UPP2: variants seen among roughly 807,000 people sequenced by gnomAD.
UPP2 encodes uridine phosphorylase 2, also known as UPase 2.
A neutral mutation model predicts 26.7 loss-of-function variants in UPP2; 23 were observed. That is an observed-to-expected ratio of 0.86 (90% CI 0.62 to 1.22). The LOEUF is 1.22. Among genes scored for constraint, UPP2 ranks in the 50% most tolerant of loss-of-function variants. The pLI is 0.00. For synonymous variants in UPP2, 127 were observed against 141.3 expected (o/e 0.90, Z 0.72); for missense variants, 387 against 396.7 (o/e 0.98, Z 0.21).
chr2:158,108,887 CGTGT>C (rs748328980), intron 2 of UPP2, among the ~76,000 whole-genome samples: 15,299 of 132,976 alleles, frequency 0.12, 623 homozygotes, highest in Middle Eastern at 0.14. Flanking sequence ...GAGGCAAAAG[CGTGT>C]GTGTGTGTGT....
intron 1 of UPP2, among the ~76,000 whole-genome samples, chr2:158,103,727 A>G (rs4485523): frequency 0.1 from 15,728 of 152,238 alleles, 1,616 homozygotes; most frequent in African/African-American, 0.26. Context: ...AGAGTTTGTT[A>G]AAATGCAGAT....
chr2:158,015,883 A>G (rs1454585854), exon 3 of UPP2: 1 of 447,754 alleles, frequency 2.2e-6, no homozygotes, highest in Non-Finnish European at 4.4e-6. Context: ...CAGCCTGTGG[A>G]ACTGTGAGTC....
At chr2:158,065,556 G>T in intron 3 of UPP2, 2 of 507,178 alleles carry the variant, frequency 3.9e-6, no homozygotes, top group Admixed American at 2.6e-5. Context: ...TGGCTCAAAT[G>T]AACTGTCCAG....
chr2:158,047,493 G>A lies in UPP2; in HGVS notation c.147+31607G>A, dbSNP rs150912255. ...TATAAGGATTTTGTAGCTGGCATCCGGTTTAAACCCGGGCATTGTTCTCTA... is the reference window on the plus strand; with the variant it reads ...TATAAGGATTTTGTAGCTGGCATCCAGTTTAAACCCGGGCATTGTTCTCTA... On this transcript the variant is annotated intron_variant, in intron 3 of 9. Coordinates refer to the UPP2 transcript ENST00000605860. Among the ~76,000 whole-genome samples the A allele has an allele frequency of 4.6e-5, 7 of 152,268 alleles. No individual in the cohort carries two copies. The South Asian group carries it at 1.0e-3, about 23-fold the overall frequency.
chr2:158,114,224 G>C (rs1218778299), intron 2 of UPP2, among the ~76,000 whole-genome samples: 17 of 152,142 alleles, frequency 1.1e-4, no homozygotes, highest in Admixed American at 9.2e-4. Context: ...GGGAGGACTT[G>C]ACTCTTGCCA....
chr2:158,097,823 T>G (rs1683011703), upstream of UPP2, among the ~76,000 whole-genome samples: 1 of 152,194 alleles, frequency 6.6e-6, no homozygotes, highest in Non-Finnish European at 1.5e-5. Flanking sequence ...GGTTGTAGCA[T>G]TTGTCCTAGG....
chr2:158,082,488 A>G (rs191717888), intron 3 of UPP2, among the ~76,000 whole-genome samples: 2 of 152,230 alleles, frequency 1.3e-5, no homozygotes, highest in East Asian at 3.9e-4. Flanking sequence ...CTTCACTTAG[A>G]ATAATGGTCT....
In UPP2 at chr2:158,006,202, G is replaced by A. The variant is rs898023225; in HGVS notation, c.62-9599G>A. 1.3e-4 allele frequency among the ~76,000 whole-genome samples: 20 copies of A among 152,360 alleles called. No individual in the cohort carries two copies. In the South Asian group the frequency reaches 4.1e-3, roughly 32 times the overall value. ...TGGCTGGGCACGGTGGCTCACGCCT[G>A]TAATCCCAGCACTTTGGGAGGACGA... is the stretch of plus-strand genomic sequence containing the variant. On this transcript the variant is annotated intron_variant, in intron 2 of 9. Coordinates refer to the UPP2 transcript ENST00000605860.
At position 158,125,837 on chromosome 2, in the gene UPP2, G is replaced by T. The variant is rs184321175; in HGVS notation, c.811+1942G>T. Among the ~76,000 whole-genome samples the T allele has an allele frequency of 2.0e-5, 3 of 152,190 alleles. No individual in the cohort carries two copies. The East Asian group carries it at 5.8e-4, about 29-fold the overall frequency. Reference sequence around the variant, plus strand: ...AAGCAGCACCCCACACAGCCTGCAGGGACACCTGGATTCAGATGGTTCTGC... The same window carrying T: ...AAGCAGCACCCCACACAGCCTGCAGTGACACCTGGATTCAGATGGTTCTGC... On this transcript the variant is annotated intron_variant, in intron 6 of 6. Coordinates refer to ENST00000005756, the MANE Select transcript of UPP2 (RefSeq NM_173355.4).
chr2:158,096,067 C>T (rs13389062), intron 3 of UPP2, among the ~76,000 whole-genome samples: 3,524 of 152,228 alleles, frequency 0.023, 135 homozygotes, highest in African/African-American at 0.077. Flanking sequence ...GACCAGGCCA[C>T]TAGAGGCACT....
At chr2:158,088,012 G>GT (rs1447004069) in intron 3 of UPP2, among the ~76,000 whole-genome samples, 1 of 152,116 alleles carries the variant, frequency 6.6e-6, no homozygotes, top group African/African-American at 2.4e-5. Flanking sequence ...TGAGGTTCTT[G>GT]TTTTTGGAGT....
At chr2:158,073,047 A>G (rs1682569598) in intron 3 of UPP2, among the ~76,000 whole-genome samples, 1 of 152,170 alleles carries the variant, frequency 6.6e-6, no homozygotes, top group African/African-American at 2.4e-5. Flanking sequence ...AGAATTCAAA[A>G]TAGCTGTTTT....
At chr2:158,004,316 T>A (rs2105135804) in intron 2 of UPP2, among the ~76,000 whole-genome samples, 1 of 152,266 alleles carries the variant, frequency 6.6e-6, no homozygotes, top group Non-Finnish European at 1.5e-5. Context: ...ATTTAATTAA[T>A]TCTTGTTGCT....
At chr2:158,020,402 G>A (rs1389989778) in intron 3 of UPP2, among the ~76,000 whole-genome samples, 3 of 152,196 alleles carry the variant, frequency 2.0e-5, no homozygotes, top group Non-Finnish European at 2.9e-5. Flanking sequence ...GGACAAGTGC[G>A]GACATGATGA....
chr2:158,023,065 C>A (rs904470773), intron 3 of UPP2, among the ~76,000 whole-genome samples: 1 of 122,886 alleles, frequency 8.1e-6, no homozygotes, highest in Admixed American at 1.1e-4. Flanking sequence ...CAGCACCCAA[C>A]AAGATGAATG....
intron 2 of UPP2, among the ~76,000 whole-genome samples, chr2:158,014,156 TC>T (rs1385985369): frequency 3.9e-5 from 6 of 152,226 alleles, no homozygotes; most frequent in Non-Finnish European, 4.4e-5. Flanking sequence ...GTTCTGCAGC[TC>T]CAAGGCCTAA....
chr2:158,000,921 T>G (rs1047675043), intron 2 of UPP2, among the ~76,000 whole-genome samples: 2 of 152,238 alleles, frequency 1.3e-5, no homozygotes, highest in African/African-American at 2.4e-5. Context: ...GACCGGGTAT[T>G]TATTAGGTAC....
At chr2:158,012,484 T>C (rs1471103064) in intron 2 of UPP2, among the ~76,000 whole-genome samples, 1 of 151,892 alleles carries the variant, frequency 6.6e-6, no homozygotes, top group Non-Finnish European at 1.5e-5. Flanking sequence ...GCCAGGCTGG[T>C]CTCAAACTCC....
chr2:158,133,312 G>C (rs1683863001), intron 6 of UPP2, among the ~76,000 whole-genome samples: 1 of 152,142 alleles, frequency 6.6e-6, no homozygotes, highest in South Asian at 2.1e-4. Flanking sequence ...GTGGAATCTA[G>C]AAAAATCAAA....
Sources: allele counts gnomAD v4.1 joint callset (sites outside exome capture counted in the v4.1 genomes callset), GRCh38; gene constraint gnomAD v4.1.1; transcripts MANE v1.5; gene names NCBI Gene and HGNC (gene_info 2026-07-23, HGNC 2026-07-21).